The following SHISA9 variants were observed in gnomAD, a reference collection of about 807,000 sequenced individuals.
The protein encoded by SHISA9 is protein shisa-9.
In SHISA9, 13 loss-of-function variants were observed where a neutral mutation model predicts 38.0. The ratio of observed to expected loss-of-function variants is 0.34; its 90% CI spans 0.22 to 0.54. The LOEUF (loss-of-function observed/expected upper bound fraction) is 0.54. Ranked by LOEUF, SHISA9 falls within the 20% of genes least tolerant of loss-of-function variation. The probability of loss-of-function intolerance (pLI) is 0.91; values close to 1 mark genes in which losing one functional copy is unlikely to be tolerated. For synonymous variants in SHISA9, 275 were observed against 242.0 expected (o/e 1.14, Z -1.27); for missense variants, 538 against 575.8 (o/e 0.93, Z 0.67).
chr16:13,376,123 C>T, the SHISA9 span, among the ~76,000 whole-genome samples: 2 of 152,320 alleles, frequency 1.3e-5, no homozygotes, highest in Middle Eastern at 3.4e-3. Flanking sequence ...AAATACCACA[C>T]AATGACTCTG....
chr16:12,970,400 T>TAC (rs2072050654), intron 2 of SHISA9, among the ~76,000 whole-genome samples: 7 of 5,130 alleles, frequency 1.4e-3, no homozygotes, highest in African/African-American at 2.7e-3. Flanking sequence ...TATATATATA[T>TAC]ATACATATAT....
intron 2 of SHISA9, among the ~76,000 whole-genome samples, chr16:13,149,935 A>G (rs2050482648): frequency 7.2e-6 from 1 of 138,780 alleles, no homozygotes; most frequent in African/African-American, 3.2e-5. Context: ...AAAAAAAAGA[A>G]AAAAAAAAAG....
At chr16:13,047,537 A>G (rs1041079998) in intron 2 of SHISA9, among the ~76,000 whole-genome samples, 3 of 152,210 alleles carry the variant, frequency 2.0e-5, no homozygotes, top group Admixed American at 6.5e-5. Flanking sequence ...GGTTTGATCC[A>G]GGACCTGGGG....
At chr16:13,173,236 A>G (rs542457047) in intron 2 of SHISA9, among the ~76,000 whole-genome samples, 1 of 151,252 alleles carries the variant, frequency 6.6e-6, no homozygotes, top group Admixed American at 6.6e-5. Context: ...TTTGATTAAC[A>G]CCTTAGCGTT....
the SHISA9 span, among the ~76,000 whole-genome samples, chr16:13,359,372 A>G: frequency 3.3e-5 from 5 of 152,136 alleles, no homozygotes; most frequent in Non-Finnish European, 5.9e-5. Context: ...AATCCCAGGT[A>G]CCCGGGAGGC....
the SHISA9 span, among the ~76,000 whole-genome samples, chr16:13,443,591 C>G: frequency 5.6e-4 from 86 of 152,276 alleles, no homozygotes; most frequent in Non-Finnish European, 1.1e-3. Context: ...CCCCTCTGAT[C>G]AATTTTATGT....
chr16:13,507,290 C>T, the SHISA9 span, among the ~76,000 whole-genome samples: 16 of 151,954 alleles, frequency 1.1e-4, no homozygotes, highest in Non-Finnish European at 2.1e-4. Flanking sequence ...TCCCAAATGG[C>T]GAGGAACAGA....
At chr16:13,458,331 TGA>T in the SHISA9 span, 1 of 300,918 alleles carries the variant, frequency 3.3e-6, no homozygotes, top group Non-Finnish European at 6.4e-6. Context: ...CTCCACAGGA[TGA>T]GTCTCGTGAT....
chr16:13,008,039 C>T (rs921391505), intron 2 of SHISA9, among the ~76,000 whole-genome samples: 1 of 152,150 alleles, frequency 6.6e-6, no homozygotes, highest in Non-Finnish European at 1.5e-5. Flanking sequence ...CGGTTTTCTC[C>T]AGCCATAAGA....
rs1156705123 is a variant in SHISA9 at position 13,181,267 on chromosome 16, TTATATATATATA to T, written c.692-22092_692-22081del. On this transcript the variant is annotated intron_variant, in intron 2 of 4. Coordinates refer to ENST00000558583, the MANE Select transcript of SHISA9 (RefSeq NM_001145204.3). The stretch of plus-strand genomic sequence containing the variant: ...AGAAAGTCTTTCCTAAAATAAAATT[TTATATATATATA>T]TATATATATATATATATATATATAT... Among the ~76,000 whole-genome samples, 52 of 80,094 alleles carry T rather than the reference TTATATATATATA, an allele frequency of 6.5e-4. 1 individual carries two copies. Among genetic ancestry groups the T allele is most frequent in the South Asian group, 2.2e-3 (5 of 2,226 alleles). 52.5% of individuals were successfully genotyped at this position (80,094 alleles called of 152,430 possible). A position where few individuals can be genotyped will look rare whatever the true frequency, so the allele number is the denominator to read the frequency against.
chr16:13,559,090 C>G, the SHISA9 span, among the ~76,000 whole-genome samples: 1 of 152,296 alleles, frequency 6.6e-6, no homozygotes, highest in East Asian at 1.9e-4. Flanking sequence ...GTTTTGTTCA[C>G]CACTTTCTCT....
the SHISA9 span, among the ~76,000 whole-genome samples, chr16:13,418,367 G>C: frequency 6.6e-6 from 1 of 152,162 alleles, no homozygotes; most frequent in African/African-American, 2.4e-5. Flanking sequence ...GGTAATGAAG[G>C]CTGGAGATGG....
chr16:13,495,959 A>G, the SHISA9 span, among the ~76,000 whole-genome samples: 5 of 152,182 alleles, frequency 3.3e-5, no homozygotes, highest in Admixed American at 2.6e-4. Flanking sequence ...TCAGCATACC[A>G]CTAGCTGGTG....
At chr16:12,903,988 G>A (rs1299053424) in intron 1 of SHISA9, among the ~76,000 whole-genome samples, 2 of 152,080 alleles carry the variant, frequency 1.3e-5, no homozygotes, top group Non-Finnish European at 2.9e-5. Flanking sequence ...GAAGAGGTGA[G>A]GAAGTTCTCG....
the SHISA9 span, among the ~76,000 whole-genome samples, chr16:13,251,748 A>G: frequency 6.6e-6 from 1 of 152,142 alleles, no homozygotes; most frequent in Non-Finnish European, 1.5e-5. Context: ...ATACCTGCAC[A>G]CAGTACCTTG....
At chr16:13,432,799 C>T in the SHISA9 span, among the ~76,000 whole-genome samples, 2 of 152,146 alleles carry the variant, frequency 1.3e-5, no homozygotes, top group Non-Finnish European at 2.9e-5. Context: ...TTATCCTTAG[C>T]AAACTAACAC....
At chr16:13,263,978 A>T in the SHISA9 span, among the ~76,000 whole-genome samples, 1 of 152,136 alleles carries the variant, frequency 6.6e-6, no homozygotes, top group Admixed American at 6.6e-5. Flanking sequence ...GGAGAGTCAG[A>T]TCTTTCCTTT....
intron 2 of SHISA9, among the ~76,000 whole-genome samples, chr16:12,943,197 T>G (rs2071634581): frequency 6.6e-6 from 1 of 151,872 alleles, no homozygotes; most frequent in Non-Finnish European, 1.5e-5. Flanking sequence ...AGGGTTCAGG[T>G]ATCCACTGTT....
chr16:13,480,670 T>A, the SHISA9 span, among the ~76,000 whole-genome samples: 1 of 152,214 alleles, frequency 6.6e-6, no homozygotes, highest in African/African-American at 2.4e-5. Flanking sequence ...AAGCAAACCC[T>A]ATCAGCCTCT....
Sources: allele counts gnomAD v4.1 joint callset (sites outside exome capture counted in the v4.1 genomes callset), GRCh38; gene constraint gnomAD v4.1.1; transcripts MANE v1.5; gene names NCBI Gene and HGNC (gene_info 2026-07-23, HGNC 2026-07-21).